The following ADAMTS6 variants were observed in gnomAD, a reference collection of about 807,000 sequenced individuals.
The protein encoded by ADAMTS6 is ADAM metallopeptidase with thrombospondin type 1 motif 6.
Under a neutral mutation model 144.3 loss-of-function variants are expected in ADAMTS6, and 23 were observed. That is an observed-to-expected ratio of 0.16 (90% CI 0.11 to 0.23). The LOEUF (loss-of-function observed/expected upper bound fraction) is 0.23, where lower values mean the gene tolerates loss of function less well. ADAMTS6 is among the 10% of genes least tolerant of loss of function. ADAMTS6 has a pLI of 1.00. For synonymous variants in ADAMTS6, 444 were observed against 457.5 expected (o/e 0.97, Z 0.38); for missense variants, 999 against 1,379.6 (o/e 0.72, Z 4.37).
At chr5:65,266,134 T>C (rs1761613128) in intron 12 of ADAMTS6, among the ~76,000 whole-genome samples, 1 of 151,910 alleles carries the variant, frequency 6.6e-6, no homozygotes, top group Non-Finnish European at 1.5e-5. Context: ...TACTTAAAGA[T>C]GTAGGTTCCA....
intron 7 of ADAMTS6, among the ~76,000 whole-genome samples, chr5:65,407,747 G>T (rs1404975666): frequency 1.3e-5 from 2 of 151,756 alleles, no homozygotes; most frequent in Admixed American, 6.6e-5. Context: ...ATCATTACTG[G>T]GTATATACCC....
intron 11 of ADAMTS6, among the ~76,000 whole-genome samples, chr5:65,279,761 T>G (rs1381995520): frequency 1.3e-5 from 2 of 152,226 alleles, no homozygotes; most frequent in African/African-American, 4.8e-5. Context: ...AAAGCTCCTA[T>G]TTAACTTAAG....
At chr5:65,331,882 C>T (rs866445974) in intron 8 of ADAMTS6, among the ~76,000 whole-genome samples, 1 of 151,864 alleles carries the variant, frequency 6.6e-6, no homozygotes, top group Middle Eastern at 3.4e-3. Flanking sequence ...TCAGTTTTCA[C>T]AAGAAGTAGT....
At chr5:65,411,666 T>C (rs1755064962) in intron 7 of ADAMTS6, among the ~76,000 whole-genome samples, 1 of 152,196 alleles carries the variant, frequency 6.6e-6, no homozygotes, top group Admixed American at 6.6e-5. Context: ...CTGCATCTTC[T>C]TGCTGATTCA....
At chr5:65,289,457 T>C (rs1264430681) in intron 11 of ADAMTS6, among the ~76,000 whole-genome samples, 2 of 151,982 alleles carry the variant, frequency 1.3e-5, no homozygotes, top group African/African-American at 2.4e-5. Flanking sequence ...ACCTAGGAGG[T>C]GGAGGTTGTA....
chr5:65,395,999 C>CA (rs1428452245), intron 7 of ADAMTS6, among the ~76,000 whole-genome samples: 2 of 152,172 alleles, frequency 1.3e-5, no homozygotes, highest in African/African-American at 4.8e-5. Context: ...ATTAGCCCAG[C>CA]ATAAGCCACA....
At chr5:65,383,936 T>G (rs981717365) in intron 7 of ADAMTS6, among the ~76,000 whole-genome samples, 2 of 152,252 alleles carry the variant, frequency 1.3e-5, no homozygotes, top group Middle Eastern at 3.4e-3. Context: ...ACCAGCGTGA[T>G]CTACCACCCA....
chr5:65,254,123 G>A (rs889292502), intron 14 of ADAMTS6, among the ~76,000 whole-genome samples: 1 of 151,904 alleles, frequency 6.6e-6, no homozygotes, highest in East Asian at 1.9e-4. Context: ...GGGATTACAG[G>A]AGCGAGCCAC....
chr5:65,350,386 G>T (rs1748745231), intron 7 of ADAMTS6, among the ~76,000 whole-genome samples: 1 of 151,904 alleles, frequency 6.6e-6, no homozygotes, highest in African/African-American at 2.4e-5. Flanking sequence ...TTTTCTTTTA[G>T]GTTTCTTTTT....
At position 65,177,716 on chromosome 5, in the gene ADAMTS6, G is replaced by GCC. The variant is rs773308247; in HGVS notation, c.2911-4709_2911-4708insGG. 6.5e-3 allele frequency among the ~76,000 whole-genome samples: 991 copies of GCC among 152,316 alleles called. 6 individuals carry two copies. The highest frequency in any genetic ancestry group is 6.4e-3 in the Non-Finnish European group (432 of 68,026). On this transcript the variant is annotated intron_variant, in intron 22 of 24. Transcript: ENST00000381055. ...AAACAAACTTTGGCAATTAAAACAG[G>GCC]ATACCAAGATGCAAATGCCTGGTTG... is the stretch of plus-strand genomic sequence containing the variant.
At position 65,242,188 on chromosome 5, in the gene ADAMTS6, G is replaced by T; in HGVS notation, c.1849C>A (p.Arg617=). 1 of 1,595,368 alleles carries T rather than the reference G, an allele frequency of 6.3e-7. No individual in the cohort carries two copies. The highest frequency in any genetic ancestry group is 1.1e-5 in the South Asian group (1 of 87,920). ...GCACACTGTTTCTCTCGAAAATCTC[G>T]GGAACCCAAAGGGCATGGCTAAAAT... ...CNTDPCPLGS[R]DFREKQCADF... The change falls in exon 15 of 25, where the codon CGA becomes AGA. Residue 617 remains arginine (R), a synonymous_variant. Coordinates refer to ENST00000381055, the MANE Select transcript of ADAMTS6 (RefSeq NM_197941.4).
intron 22 of ADAMTS6, among the ~76,000 whole-genome samples, chr5:65,177,085 G>A (rs1392510692): frequency 6.6e-6 from 1 of 152,060 alleles, no homozygotes; most frequent in African/African-American, 2.4e-5. Flanking sequence ...ATCAAAGGGT[G>A]GAAAGAAGAA....
At chr5:65,243,068 T>C (rs979865703) in intron 14 of ADAMTS6, among the ~76,000 whole-genome samples, 1 of 152,170 alleles carries the variant, frequency 6.6e-6, no homozygotes, top group Non-Finnish European at 1.5e-5. Context: ...GTTTGAGTGA[T>C]GTGACTTAAT....
intron 7 of ADAMTS6, among the ~76,000 whole-genome samples, chr5:65,431,245 A>G (rs913285260): frequency 1.3e-5 from 2 of 152,080 alleles, no homozygotes; most frequent in Non-Finnish European, 2.9e-5. Flanking sequence ...AATAGCCTTT[A>G]TAATTGGTAA....
chr5:65,197,135 C>T lies in ADAMTS6; in HGVS notation c.2592G>A (p.Glu864=). The change falls in exon 21 of 25, where the codon GAG becomes GAA. Residue 864 remains glutamate (E), a synonymous_variant. Coordinates refer to ENST00000381055, the MANE Select transcript of ADAMTS6 (RefSeq NM_197941.4). The part of the protein sequence containing the change: ...ATCAGGVQRQ[E]VVCKRLDDNS... ...TGTCATCCAACCTTTTACAGACCACCTCCTGTCTTTGGACACCTTGAGAAA... is the reference window on the plus strand; with the variant it reads ...TGTCATCCAACCTTTTACAGACCACTTCCTGTCTTTGGACACCTTGAGAAA... 6.2e-7 allele frequency: 1 copy of T among 1,613,734 alleles called. No homozygotes were observed. The highest frequency in any genetic ancestry group is 8.5e-7 in the Non-Finnish European group (1 of 1,179,806).
intron 12 of ADAMTS6, among the ~76,000 whole-genome samples, chr5:65,272,499 A>G (rs574822723): frequency 6.6e-6 from 1 of 152,116 alleles, no homozygotes; most frequent in African/African-American, 2.4e-5. Context: ...ATGTTTAAAT[A>G]AGTCTTAATA....
intron 15 of ADAMTS6, among the ~76,000 whole-genome samples, chr5:65,234,169 C>T (rs572526448): frequency 2.7e-5 from 4 of 150,608 alleles, no homozygotes; most frequent in South Asian, 2.1e-4. Flanking sequence ...AAGAATTAAA[C>T]GTAAGACTAC....
chr5:65,203,296 G>A (rs561020557), intron 20 of ADAMTS6, among the ~76,000 whole-genome samples: 1 of 152,306 alleles, frequency 6.6e-6, no homozygotes, highest in East Asian at 1.9e-4. Context: ...GGCTGAGGCA[G>A]GAGGATCACT....
At chr5:65,201,199 G>C (rs115064425) in intron 20 of ADAMTS6, among the ~76,000 whole-genome samples, 145 of 152,250 alleles carry the variant, frequency 9.5e-4, no homozygotes, top group African/African-American at 3.3e-3. Flanking sequence ...CTTACTCTAG[G>C]GGGTGGTGAT....
Sources: allele counts gnomAD v4.1 joint callset (sites outside exome capture counted in the v4.1 genomes callset), GRCh38; gene constraint gnomAD v4.1.1; transcripts MANE v1.5; gene names NCBI Gene and HGNC (gene_info 2026-07-23, HGNC 2026-07-21).